VAT1L: variants seen among roughly 807,000 people sequenced by gnomAD.
VAT1L encodes putative NADPH-dependent quinone oxidoreductase VAT1L.
VAT1L carries 34 observed loss-of-function variants against 44.1 expected under a neutral mutation model. The observed-to-expected ratio is 0.77, with a 90% CI of 0.59 to 1.03. The LOEUF (loss-of-function observed/expected upper bound fraction) is 1.03. Ranked by LOEUF, VAT1L falls within the 50% of genes least tolerant of loss-of-function variation. The pLI, the probability that VAT1L is intolerant of heterozygous loss-of-function variation, is 0.00. For synonymous variants in VAT1L, 253 were observed against 202.2 expected (o/e 1.25, Z -2.13); for missense variants, 615 against 538.8 (o/e 1.14, Z -1.40).
At chr16:77,926,968 A>C (rs1282093053) in intron 7 of VAT1L, among the ~76,000 whole-genome samples, 1 of 152,130 alleles carries the variant, frequency 6.6e-6, no homozygotes, top group African/African-American at 2.4e-5. Flanking sequence ...ACACATTTAC[A>C]TATGCTACCT....
intron 8 of VAT1L, among the ~76,000 whole-genome samples, chr16:77,973,028 C>T (rs181958420): frequency 6.6e-6 from 1 of 151,836 alleles, no homozygotes; most frequent in Admixed American, 6.6e-5. Flanking sequence ...CCTTATATCC[C>T]AGGGATACCA....
intron 3 of VAT1L, among the ~76,000 whole-genome samples, chr16:77,833,673 C>T (rs1253817892): frequency 2.0e-5 from 3 of 152,070 alleles, no homozygotes; most frequent in Admixed American, 2.0e-4. Context: ...ACTGCTTGAA[C>T]CAGGGAGTCG....
intron 5 of VAT1L, among the ~76,000 whole-genome samples, chr16:77,877,950 C>T (rs1223766303): frequency 6.6e-6 from 1 of 152,150 alleles, no homozygotes. Flanking sequence ...GCAAGGATAT[C>T]GGATATGACT....
intron 1 of VAT1L, among the ~76,000 whole-genome samples, chr16:77,804,068 G>A (rs1253272111): frequency 2.0e-5 from 3 of 152,188 alleles, no homozygotes; most frequent in Non-Finnish European, 4.4e-5. Context: ...AGTCCTGGAA[G>A]GCAGAGATGT....
chr16:77,903,143 A>G (rs1417358516), intron 7 of VAT1L, among the ~76,000 whole-genome samples: 1 of 152,128 alleles, frequency 6.6e-6, no homozygotes, highest in African/African-American at 2.4e-5. Flanking sequence ...TTAGTCTCAG[A>G]TCTCATTTAG....
chr16:77,825,040 T>G lies in VAT1L; in HGVS notation c.364-206T>G, dbSNP rs535584655. ...CGCCATCACGCCTGGTGAATTTTTG[T>G]ATTTTTAGTAGAGATGGGGTTTTAC... On this transcript the variant is annotated intron_variant, in intron 2 of 8. Coordinates refer to ENST00000302536, the MANE Select transcript of VAT1L (RefSeq NM_020927.3). Among the ~76,000 whole-genome samples, 8 of 152,008 alleles carry G rather than the reference T, an allele frequency of 5.3e-5. No homozygotes were observed. The South Asian group carries it at 1.7e-3, about 32-fold the overall frequency.
At position 77,824,426 on chromosome 16, in the gene VAT1L, G is replaced by C. The variant is rs199828795; in HGVS notation, c.364-820G>C. 3.9e-5 allele frequency among the ~76,000 whole-genome samples: 6 copies of C among 152,140 alleles called. No homozygotes were observed. In the East Asian group the frequency reaches 1.2e-3, roughly 29 times the overall value. The stretch of plus-strand genomic sequence containing the variant: ...TGTATTAGCTTTTTGCACTGCAAAT[G>C]TATTTTAAAAGTTATTCGTTTCATC... On this transcript the variant is annotated intron_variant, in intron 2 of 8. Transcript: ENST00000302536.
At chr16:77,790,951 C>G (rs1443831983) in intron 1 of VAT1L, among the ~76,000 whole-genome samples, 1 of 152,206 alleles carries the variant, frequency 6.6e-6, no homozygotes, top group Admixed American at 6.5e-5. Flanking sequence ...TACACACACA[C>G]ACACAGAAAT....
intron 4 of VAT1L, among the ~76,000 whole-genome samples, chr16:77,870,951 C>G (rs1416535669): frequency 1.3e-5 from 2 of 152,074 alleles, no homozygotes; most frequent in African/African-American, 4.8e-5. Flanking sequence ...AGGGTCAGTC[C>G]CAAGGCTGCT....
At chr16:77,804,412 T>C (rs1567469359) in intron 1 of VAT1L, among the ~76,000 whole-genome samples, 1 of 152,232 alleles carries the variant, frequency 6.6e-6, no homozygotes, top group Non-Finnish European at 1.5e-5. Context: ...AAACTGGCTC[T>C]AGACATTTAG....
chr16:77,893,928 CT>C (rs1597086745), intron 7 of VAT1L, among the ~76,000 whole-genome samples: 1 of 152,122 alleles, frequency 6.6e-6, no homozygotes, highest in Admixed American at 6.5e-5. Context: ...TGCCAAGTAC[CT>C]TGCATTTATT....
At chr16:77,865,689 G>A (rs1366096364) in intron 4 of VAT1L, among the ~76,000 whole-genome samples, 30 of 152,318 alleles carry the variant, frequency 2.0e-4, no homozygotes. Flanking sequence ...GGGATGAGAA[G>A]TTGGCCAAAG....
At chr16:77,962,677 G>A (rs1480072595) in intron 7 of VAT1L, among the ~76,000 whole-genome samples, 1 of 149,020 alleles carries the variant, frequency 6.7e-6, no homozygotes, top group African/African-American at 2.5e-5. Flanking sequence ...CAATCCAGGA[G>A]TTCAAGACCA....
intron 7 of VAT1L, among the ~76,000 whole-genome samples, chr16:77,960,909 G>T (rs1024207234): frequency 8.6e-5 from 13 of 151,954 alleles, no homozygotes; most frequent in African/African-American, 2.7e-4. Flanking sequence ...TTTCCCCATG[G>T]GTCACGCGCT....
At chr16:77,895,951 C>T (rs529595689) in intron 7 of VAT1L, among the ~76,000 whole-genome samples, 40 of 152,264 alleles carry the variant, frequency 2.6e-4, no homozygotes, top group African/African-American at 9.4e-4. Flanking sequence ...AGACCCAGGC[C>T]TGTGCCACAG....
At position 77,806,863 on chromosome 16, in the gene VAT1L, G is replaced by C. The variant is rs183773930; in HGVS notation, c.234-10058G>C. On this transcript the variant is annotated intron_variant, in intron 1 of 8. Transcript: ENST00000302536. ...CTTGGTGGCTCCAGGGAGAAATCAA[G>C]ACATGGCCACTCTGTGCTGTCTTCT... 2.0e-4 allele frequency among the ~76,000 whole-genome samples: 31 copies of C among 152,240 alleles called. No individual in the cohort carries two copies. The East Asian group carries it at 5.8e-3, about 29-fold the overall frequency.
At chr16:77,829,927 C>T (rs2016561188) in intron 3 of VAT1L, among the ~76,000 whole-genome samples, 1 of 152,160 alleles carries the variant, frequency 6.6e-6, no homozygotes, top group Non-Finnish European at 1.5e-5. Context: ...AAGCATCATT[C>T]CCATTTTACA....
chr16:77,952,261 G>A (rs1371001444), intron 7 of VAT1L, among the ~76,000 whole-genome samples: 1 of 152,118 alleles, frequency 6.6e-6, no homozygotes, highest in Non-Finnish European at 1.5e-5. Flanking sequence ...CTACAGTCAG[G>A]AAGAAACCTG....
intron 8 of VAT1L, among the ~76,000 whole-genome samples, chr16:77,972,270 A>G (rs544939717): frequency 6.6e-6 from 1 of 152,270 alleles, no homozygotes; most frequent in South Asian, 2.1e-4. Context: ...TTCCTAACAG[A>G]ATGATGCCAG....
Sources: gnomAD v4.1 joint callset for allele counts (sites outside exome capture counted in the v4.1 genomes callset) on GRCh38, gnomAD v4.1.1 for gene constraint, MANE v1.5 for transcripts, NCBI Gene and HGNC (gene_info 2026-07-23, HGNC 2026-07-21) for gene names.